Variants in AKAP7 observed in about 807,000 individuals in gnomAD.
The protein encoded by AKAP7 is A-kinase anchoring protein 7.
AKAP7 carries 39 observed loss-of-function variants against 39.5 expected under a neutral mutation model. The observed-to-expected ratio is 0.99, with a 90% CI of 0.76 to 1.29. The LOEUF is 1.29. AKAP7 is among the 50% of genes most tolerant of loss of function. The probability of loss-of-function intolerance (pLI) is 0.00; values close to 1 mark genes in which losing one functional copy is unlikely to be tolerated. For missense variants in AKAP7, 414 were observed against 407.7 expected (o/e 1.02, Z -0.13); for synonymous variants, 140 against 139.1 (o/e 1.01, Z -0.05).
In AKAP7 at chr6:131,281,479, T is replaced by G. The variant is rs1189527763; in HGVS notation, c.851-51T>G. 2 of 1,444,448 alleles carry G rather than the reference T, an allele frequency of 1.4e-6. No homozygotes were observed. Among genetic ancestry groups the G allele is most frequent in the Non-Finnish European group, 1.9e-6 (2 of 1,076,542 alleles). The allele number at this position is 1,444,448 out of a possible 1,614,324, so 89.5% of individuals were successfully genotyped here. A position where few individuals can be genotyped will look rare whatever the true frequency, so the allele number is the denominator to read the frequency against. On this transcript the variant is annotated intron_variant, in intron 7 of 7. Transcript: ENST00000431975. The surrounding 1 kb of genome is among the most constrained non-coding windows in gnomAD (Gnocchi z 4.0). ...ACTAGCCGGCCCCTGCATGCCAAGT[T>G]TCTATGGCAATGTGATCTCAGTGAC...
chr6:131,170,601 G>A (rs1388563583), intron 5 of AKAP7, among the ~76,000 whole-genome samples: 1 of 152,148 alleles, frequency 6.6e-6, no homozygotes, highest in Non-Finnish European at 1.5e-5. Context: ...GATCTATTGG[G>A]ACATCCTTTT....
intron 2 of AKAP7, among the ~76,000 whole-genome samples, chr6:131,157,880 G>C (rs1312967237): frequency 6.6e-6 from 1 of 152,322 alleles, no homozygotes; most frequent in East Asian, 1.9e-4. Context: ...GAACACACCA[G>C]ATAAGTTTGC....
chr6:131,239,888 AAGCCTTCTTCTCTC>A (rs1239731635), intron 7 of AKAP7, among the ~76,000 whole-genome samples: 1 of 152,100 alleles, frequency 6.6e-6, no homozygotes, highest in Non-Finnish European at 1.5e-5. Flanking sequence ...TGATCGTCTG[AAGCCTTCTTCTCTC>A]AACTTGTCAA....
At chr6:131,223,355 G>A (rs368839767) in intron 7 of AKAP7, among the ~76,000 whole-genome samples, 2 of 152,082 alleles carry the variant, frequency 1.3e-5, no homozygotes. Context: ...TAATACTGAC[G>A]TTTATTAAAG....
chr6:131,257,142 G>A (rs920814069), intron 7 of AKAP7, among the ~76,000 whole-genome samples: 1 of 151,984 alleles, frequency 6.6e-6, no homozygotes, highest in African/African-American at 2.4e-5. Context: ...TAAAATTCCT[G>A]ACACTGTGCT....
intron 1 of AKAP7, among the ~76,000 whole-genome samples, chr6:131,143,615 A>G (rs1037855819): frequency 3.3e-5 from 5 of 152,196 alleles, no homozygotes; most frequent in Admixed American, 6.5e-5. Context: ...CGAATGGACT[A>G]ATACAACAGG....
chr6:131,136,844 T>TAAG, intron 1 of AKAP7: 1 of 985,268 alleles, frequency 1.0e-6, no homozygotes. Context: ...TACTAACGTG[T>TAAG]AAGATGCTAA....
chr6:131,180,123 G>T (rs1320353175), intron 5 of AKAP7, among the ~76,000 whole-genome samples: 1 of 152,308 alleles, frequency 6.6e-6, no homozygotes, highest in East Asian at 1.9e-4. Context: ...TCAGCAGATG[G>T]CACTGAGGCT....
intron 7 of AKAP7, among the ~76,000 whole-genome samples, chr6:131,247,292 T>C (rs1403434257): frequency 8.2e-6 from 1 of 122,012 alleles, no homozygotes; most frequent in Non-Finnish European, 1.7e-5. Flanking sequence ...TATATATATA[T>C]ATATATATAT....
At chr6:131,179,446 T>C (rs1319434488) in intron 5 of AKAP7, among the ~76,000 whole-genome samples, 4 of 152,274 alleles carry the variant, frequency 2.6e-5, no homozygotes, top group African/African-American at 7.2e-5. Flanking sequence ...AGTGCTGAGA[T>C]TACAGGCGTG....
Position 131,273,048 on chromosome 6 carries a change from C to T in AKAP7, c.851-8482C>T, listed in dbSNP as rs554646282. On this transcript the variant is annotated intron_variant, in intron 7 of 7. Coordinates refer to ENST00000431975, the MANE Select transcript of AKAP7 (RefSeq NM_016377.4). ...GGCATATATGCATTTAGGATTTTTA[C>T]GCCCTCTTGAAGAATTGATTCCCTC... is the stretch of plus-strand genomic sequence containing the variant. 1.4e-4 allele frequency among the ~76,000 whole-genome samples: 21 copies of T among 152,240 alleles called. No individual in the cohort carries two copies. The South Asian group carries it at 4.4e-3, about 32-fold the overall frequency.
Position 131,177,715 on chromosome 6 carries a change from A to T in AKAP7, c.589+8442A>T, listed in dbSNP as rs542203944. Among the ~76,000 whole-genome samples the T allele has an allele frequency of 3.2e-4, 48 of 152,312 alleles. 1 individual carries two copies. The highest frequency in any genetic ancestry group is 9.6e-4 in the African/African-American group (40 of 41,596). On this transcript the variant is annotated intron_variant, in intron 5 of 7. Coordinates refer to ENST00000431975, the MANE Select transcript of AKAP7 (RefSeq NM_016377.4). ...GGGAAACTGAGGCACAAAGAAGTTA[A>T]GTAATTTGTTAGTGAGTAGTGGAAC...
At chr6:131,257,763 A>G (rs1812982704) in intron 7 of AKAP7, among the ~76,000 whole-genome samples, 1 of 152,162 alleles carries the variant, frequency 6.6e-6, no homozygotes, top group South Asian at 2.1e-4. Context: ...CACAGAGGAA[A>G]GTAAGCCTAG....
rs191807137 is a variant in AKAP7, at chr6:131,237,738, G to A, written c.850+17930G>A. On this transcript the variant is annotated intron_variant, in intron 7 of 7. Transcript: ENST00000431975. ...CTGATGGTAGTTTGTATTTCTGTGG[G>A]ATCAGCGGTGATATCCCCTTCATCA... 5.6e-3 allele frequency among the ~76,000 whole-genome samples: 859 copies of A among 152,234 alleles called. 10 individuals carry two copies. Among genetic ancestry groups the A allele is most frequent in the African/African-American group, 0.02 (816 of 41,544 alleles).
chr6:131,253,656 C>CTACT (rs1159678543), intron 7 of AKAP7, among the ~76,000 whole-genome samples: 153 of 131,026 alleles, frequency 1.2e-3, no homozygotes, highest in African/African-American at 3.8e-3. Context: ...TCCATGAGAT[C>CTACT]TACTTATTTA....
At chr6:131,212,114 A>G (rs904349566) in intron 6 of AKAP7, among the ~76,000 whole-genome samples, 2 of 152,228 alleles carry the variant, frequency 1.3e-5, no homozygotes, top group African/African-American at 4.8e-5. Context: ...TATGGGTTCT[A>G]CTGAATGCAT....
Position 131,232,399 on chromosome 6 carries a change from T to C in AKAP7, c.850+12591T>C, listed in dbSNP as rs531340574. Among the ~76,000 whole-genome samples, 56 of 152,252 alleles carry C rather than the reference T, an allele frequency of 3.7e-4. No homozygotes were observed. In the Middle Eastern group the frequency reaches 0.01, roughly 28 times the overall value. On this transcript the variant is annotated intron_variant, in intron 7 of 7. Coordinates refer to ENST00000431975, the MANE Select transcript of AKAP7 (RefSeq NM_016377.4). Reference sequence around the variant, plus strand: ...CAAAGCCATTAACATAATAATGAATTAATAGTTGCCAAAAGTTATGGCTGC... The same window carrying C: ...CAAAGCCATTAACATAATAATGAATCAATAGTTGCCAAAAGTTATGGCTGC...
intron 2 of AKAP7, among the ~76,000 whole-genome samples, chr6:131,148,965 G>A (rs2128229447): frequency 6.6e-6 from 1 of 152,308 alleles, no homozygotes; most frequent in African/African-American, 2.4e-5. Context: ...GAAATTGCGA[G>A]TTAACTGCCA....
intron 5 of AKAP7, among the ~76,000 whole-genome samples, chr6:131,170,016 T>C (rs2128245067): frequency 6.6e-6 from 1 of 151,956 alleles, no homozygotes; most frequent in Middle Eastern, 3.4e-3. Context: ...CATCCCTCCT[T>C]CTCTTTGTGT....
Sources: gnomAD v4.1 joint callset for allele counts (sites outside exome capture counted in the v4.1 genomes callset) on GRCh38, gnomAD v4.1.1 for gene constraint, Gnocchi (gnomAD v3.1) non-coding constraint, MANE v1.5 for transcripts, NCBI Gene and HGNC (gene_info 2026-07-23, HGNC 2026-07-21) for gene names.